BEND2: variants seen among roughly 807,000 people sequenced by gnomAD.
BEND2 encodes BEN domain containing 2, also known as BEN domain-containing protein 2.
A neutral mutation model predicts 43.8 loss-of-function variants in BEND2; 19 were observed. The ratio of observed to expected loss-of-function variants is 0.43; its 90% CI spans 0.30 to 0.64. The LOEUF is 0.64. Ranked by LOEUF, BEND2 falls within the 30% of genes least tolerant of loss-of-function variation. The pLI, the probability that BEND2 is intolerant of heterozygous loss-of-function variation, is 0.11. For synonymous variants in BEND2, 226 were observed against 210.1 expected, an observed-to-expected ratio of 1.08 and a Z score of -0.66; for missense variants, 544 against 574.0, an observed-to-expected ratio of 0.95 and a Z score of 0.53.
intron 13 of BEND2, among the ~76,000 whole-genome samples, chrX:18,166,845 T>C (rs1214698784): frequency 9.1e-6 from 1 of 110,427 alleles, no homozygotes; most frequent in Non-Finnish European, 1.9e-5. Context: ...AACCATGATC[T>C]AGCCACTGTA....
At chrX:18,208,597 T>C (rs1158819341) in intron 4 of BEND2, among the ~76,000 whole-genome samples, 1 of 111,506 alleles carries the variant, frequency 9.0e-6, no homozygotes, top group Non-Finnish European at 1.9e-5. Context: ...TCTTTTTGTT[T>C]CTCCCCTATG....
chrX:18,183,042 C>CAAAAAAAAAAAAAAAAA (rs56812732), intron 8 of BEND2, among the ~76,000 whole-genome samples: 1 of 40,786 alleles, frequency 2.5e-5, no homozygotes, highest in Non-Finnish European at 4.0e-5. Flanking sequence ...ACTCTGTCTC[C>CAAAAAAAAAAAAAAAAA]AAAAAAAAAA....
At chrX:18,201,413 AAAAAC>A (rs1569124448) in intron 6 of BEND2, among the ~76,000 whole-genome samples, 21 of 95,898 alleles carry the variant, frequency 2.2e-4, no homozygotes, top group African/African-American at 8.2e-4. Flanking sequence ...AAAAAAAAAA[AAAAAC>A]AAAAAAAAAA....
chrX:18,174,791 A>G (rs1248025372), intron 11 of BEND2, among the ~76,000 whole-genome samples: 2 of 109,778 alleles, frequency 1.8e-5, no homozygotes, highest in Non-Finnish European at 3.8e-5. Context: ...TGATTCTAAT[A>G]TGCACCCAGG....
At chrX:18,203,019 C>A (rs1925215923) in intron 5 of BEND2, among the ~76,000 whole-genome samples, 1 of 111,075 alleles carries the variant, frequency 9.0e-6, no homozygotes, top group Non-Finnish European at 1.9e-5. Flanking sequence ...AAAGCCAGTA[C>A]CAAAAGGTTA....
In BEND2 at chrX:18,175,953, T is replaced by C. The variant is rs759235095; in HGVS notation, c.1752+19A>G. 3.4e-6 allele frequency: 4 copies of C among 1,171,533 alleles called. No homozygotes were observed. The highest frequency in any genetic ancestry group is 4.6e-6 in the Non-Finnish European group (4 of 873,790). On this transcript the variant is annotated intron_variant, in intron 11 of 13. Transcript: ENST00000380033. ...AAACTCAGGTAACAGTTACCATATT[T>C]AGATGAAAAATAACTTACTGGAGTA...
At chrX:18,179,014 T>C (rs774477047) in intron 9 of BEND2, among the ~76,000 whole-genome samples, 1 of 110,890 alleles carries the variant, frequency 9.0e-6, no homozygotes, top group South Asian at 3.8e-4. Context: ...AAAATTTTTA[T>C]GTAATTTTTA....
intron 3 of BEND2, 34 bp downstream of exon 3, chrX:18,213,740 C>A: frequency 1.4e-5 from 2 of 142,597 alleles, no homozygotes; most frequent in Non-Finnish European, 1.4e-5. Context: ...AGCAAGATAT[C>A]ATCTCTACTA....
rs1211575062 is a variant in BEND2 at position 18,209,323 on chromosome X, T to A, written c.492+3242A>T. Among the ~76,000 whole-genome samples the A allele has an allele frequency of 3.6e-5, 4 of 111,388 alleles. No homozygotes were observed. In the Admixed American group the frequency reaches 3.8e-4, roughly 11 times the overall value. On this transcript the variant is annotated intron_variant, in intron 4 of 13. Coordinates refer to ENST00000380033, the MANE Select transcript of BEND2 (RefSeq NM_153346.5). ...ACACCACAATAATGGCTGCTGCAGG[T>A]AAAATCCATGCATGGATACTAACTT...
chrX:18,196,120 G>C (rs966017982), intron 6 of BEND2, among the ~76,000 whole-genome samples: 1 of 110,198 alleles, frequency 9.1e-6, no homozygotes, highest in South Asian at 4.0e-4. Flanking sequence ...CCAACATGGC[G>C]AAACCCCGTT....
Position 18,203,925 on chromosome X carries a change from G to GT in BEND2, c.493-11dup. ...ATATGCTAGACTGTACCTATCCAGG[G>GT]TAAGAGAACAGAATGAGTAAAGTTA... On this transcript the variant is annotated splice_polypyrimidine_tract_variant and intron_variant, in intron 4 of 13. Coordinates refer to ENST00000380033, the MANE Select transcript of BEND2 (RefSeq NM_153346.5). 2 of 1,163,213 alleles carry GT rather than the reference G, an allele frequency of 1.7e-6. No individual in the cohort carries two copies. The highest frequency in any genetic ancestry group is 2.3e-6 in the Non-Finnish European group (2 of 866,096).
At chrX:18,206,388 A>C (rs1925333461) in intron 4 of BEND2, among the ~76,000 whole-genome samples, 2 of 111,554 alleles carry the variant, frequency 1.8e-5, no homozygotes, top group Non-Finnish European at 3.8e-5. Flanking sequence ...CCAGAGAAAA[A>C]CAGGAAGCCA....
intron 8 of BEND2, among the ~76,000 whole-genome samples, chrX:18,187,126 C>T (rs1397904280): frequency 9.1e-6 from 1 of 110,262 alleles, no homozygotes; most frequent in Admixed American, 9.7e-5. Context: ...ATAACAAAAT[C>T]GCAGGAAAAA....
intron 1 of BEND2, among the ~76,000 whole-genome samples, chrX:18,220,006 C>G (rs1700892078): frequency 8.9e-6 from 1 of 112,047 alleles, no homozygotes; most frequent in Admixed American, 9.4e-5. Context: ...TCCTCGCCCC[C>G]CCATACCCCG....
intron 8 of BEND2, 149 bp downstream of exon 8, chrX:18,190,852 A>G: frequency 2.3e-6 from 1 of 441,728 alleles, no homozygotes; most frequent in Non-Finnish European, 3.8e-6. Context: ...TGATTGCATC[A>G]ATGTCAAAAT....
At chrX:18,195,463 T>C (rs374992072) in intron 6 of BEND2, 21 bp from the exon 7 acceptor site, 275 of 1,166,906 alleles carry the variant, frequency 2.4e-4, no homozygotes, top group Non-Finnish European at 3.1e-4. Flanking sequence ...AAAAAAAGAA[T>C]GCTCAATCAT....
In BEND2 at chrX:18,216,556, T is replaced by C. The variant is rs761769743; in HGVS notation, c.203A>G (p.Asn68Ser). Reference sequence around the variant, plus strand: ...TTGGAGTGGACGGTGATGGCCATCATTGCCGCCTGGAAAATTTGGTTGTGT... The same window carrying C: ...TTGGAGTGGACGGTGATGGCCATCACTGCCGCCTGGAAAATTTGGTTGTGT... ...TATQPNFPGG[N>S]DGHHRPLQMS... is the part of the protein sequence containing the mutation. The change falls in exon 2 of 14, where the codon AAT becomes AGT. Residue 68 changes from asparagine (N) to serine (S), a missense_variant. Transcript: ENST00000380033. The C allele has an allele frequency of 8.7e-5, 105 of 1,206,850 alleles. No individual in the cohort carries two copies. The South Asian group carries it at 1.4e-3, about 16-fold the overall frequency.
At chrX:18,193,028 C>T (rs1224645949) in intron 7 of BEND2, among the ~76,000 whole-genome samples, 1 of 111,559 alleles carries the variant, frequency 9.0e-6, no homozygotes. Context: ...AAAAACAAAA[C>T]AGCCAAAGTT....
chrX:18,174,595 CT>C (rs1364695881), intron 11 of BEND2, among the ~76,000 whole-genome samples: 1 of 111,462 alleles, frequency 9.0e-6, no homozygotes, highest in Non-Finnish European at 1.9e-5. Context: ...CTTTTTGTTT[CT>C]CATGTTTTGT....
Sources: gnomAD v4.1 joint callset for allele counts (sites outside exome capture counted in the v4.1 genomes callset) on GRCh38, gnomAD v4.1.1 for gene constraint, MANE v1.5 for transcripts, NCBI Gene and HGNC (gene_info 2026-07-23, HGNC 2026-07-21) for gene names.